The following MIGA1 variants were observed in gnomAD, a reference collection of about 807,000 sequenced individuals.
MIGA1 encodes the protein mitoguardin 1.
In MIGA1, 58 loss-of-function variants were observed where a neutral mutation model predicts 82.0. The observed-to-expected ratio is 0.71, with a 90% confidence interval of 0.57 to 0.88. MIGA1 has a LOEUF of 0.88. Ranked by LOEUF, MIGA1 falls within the 40% of genes least tolerant of loss-of-function variation. The pLI, the probability that MIGA1 is intolerant of heterozygous loss-of-function variation, is 0.00. For synonymous variants in MIGA1, 249 were observed against 253.6 expected, an observed-to-expected ratio of 0.98 and a Z score of 0.17; for missense variants, 751 against 749.1, an observed-to-expected ratio of 1.00 and a Z score of -0.03.
At chr1:77,859,601 G>A (rs1256664978) in intron 10 of MIGA1, 5 of 493,342 alleles carry the variant, frequency 1.0e-5, no homozygotes, top group Non-Finnish European at 1.8e-5. Context: ...CCAGGCCCAC[G>A]ACACTTTGTC....
intron 5 of MIGA1, among the ~76,000 whole-genome samples, chr1:77,811,950 A>T (rs182133431): frequency 3.3e-5 from 5 of 152,172 alleles, no homozygotes; most frequent in African/African-American, 1.2e-4. Flanking sequence ...TAAATGTTTT[A>T]TGAGGAAGAT....
intron 5 of MIGA1, chr1:77,811,034 T>TTTTAGGCTTG (rs1220386138): frequency 1.9e-6 from 3 of 1,613,378 alleles, no homozygotes; most frequent in Non-Finnish European, 2.5e-6. Context: ...GTAAACCTTT[T>TTTTAGGCTTG]TTTAGGCTTG....
chr1:77,790,913 G>A (rs537935874), intron 2 of MIGA1, among the ~76,000 whole-genome samples: 2 of 152,100 alleles, frequency 1.3e-5, no homozygotes, highest in South Asian at 2.1e-4. Context: ...AATCCCTGGT[G>A]AACCCTAATC....
chr1:77,870,220 G>A lies in MIGA1; in HGVS notation c.1564-2784G>A, dbSNP rs1473917703. On this transcript the variant is annotated intron_variant, in intron 14 of 15. Transcript: ENST00000370791. Reference sequence around the variant, plus strand: ...GGGGCGGCTGGCCGGGCGGGGGGCTGACCCCCCCCCCCACCTCCCTCCCGG... The same window carrying A: ...GGGGCGGCTGGCCGGGCGGGGGGCTAACCCCCCCCCCCACCTCCCTCCCGG... 2.3e-3 allele frequency among the ~76,000 whole-genome samples: 168 copies of A among 73,076 alleles called. 1 individual carries two copies. Among genetic ancestry groups the A allele is most frequent in the African/African-American group, 6.5e-3 (158 of 24,454 alleles). 47.9% of individuals were successfully genotyped at this position (73,076 alleles called of 152,430 possible). A position where few individuals can be genotyped will look rare whatever the true frequency, so the allele number is the denominator to read the frequency against.
At chr1:77,836,631 T>C (rs913517564) in intron 7 of MIGA1, among the ~76,000 whole-genome samples, 6 of 152,178 alleles carry the variant, frequency 3.9e-5, no homozygotes, top group Non-Finnish European at 7.4e-5. Flanking sequence ...GCAACAACTC[T>C]AGGAAATTAA....
At chr1:77,796,986 G>A (rs758784902) in intron 2 of MIGA1, among the ~76,000 whole-genome samples, 58 of 152,102 alleles carry the variant, frequency 3.8e-4, no homozygotes, top group Non-Finnish European at 6.5e-4. Context: ...TGCCATTGAT[G>A]TTTTCTGTCC....
chr1:77,830,338 C>G (rs930877886), intron 7 of MIGA1, among the ~76,000 whole-genome samples: 3 of 151,986 alleles, frequency 2.0e-5, no homozygotes, highest in Non-Finnish European at 4.4e-5. Context: ...CTTACAGTTT[C>G]ATTGTCATTA....
At chr1:77,859,957 A>T in intron 10 of MIGA1, 83 bp from the exon 11 acceptor site, 1 of 843,178 alleles carries the variant, frequency 1.2e-6, no homozygotes. Context: ...TAACTGTTTT[A>T]GGATTATTTG....
At chr1:77,872,968 G>A (rs1409427155) in intron 14 of MIGA1, 36 bp from the exon 15 acceptor site, 3 of 1,611,476 alleles carry the variant, frequency 1.9e-6, no homozygotes, top group African/African-American at 1.3e-5. Context: ...TAACAAGAAG[G>A]TAGAAGTAAC....
chr1:77,803,593 C>A (rs1466941491), intron 4 of MIGA1, among the ~76,000 whole-genome samples, 187 bp downstream of exon 4: 1 of 152,096 alleles, frequency 6.6e-6, no homozygotes, highest in Non-Finnish European at 1.5e-5. Flanking sequence ...TTCTAGGTTT[C>A]TTTGAATAAG....
At chr1:77,785,730 C>G (rs1003766128) in intron 2 of MIGA1, among the ~76,000 whole-genome samples, 1 of 152,342 alleles carries the variant, frequency 6.6e-6, no homozygotes, top group Non-Finnish European at 1.5e-5. Context: ...GGTGGGTTCC[C>G]ATGGTCGTAG....
intron 2 of MIGA1, among the ~76,000 whole-genome samples, chr1:77,783,602 A>G (rs1320253236): frequency 1.3e-5 from 2 of 152,206 alleles, no homozygotes; most frequent in East Asian, 1.9e-4. Flanking sequence ...GTCCATTATT[A>G]TTACTTTCAG....
chr1:77,779,795 G>A, intron 1 of MIGA1, 59 bp downstream of exon 1: 2 of 1,506,480 alleles, frequency 1.3e-6, no homozygotes, highest in Non-Finnish European at 1.8e-6. Flanking sequence ...GGAGAGTTGA[G>A]CGGCCACGCA....
chr1:77,857,723 G>GTTT (rs1273544813), intron 8 of MIGA1, among the ~76,000 whole-genome samples: 5 of 112,954 alleles, frequency 4.4e-5, no homozygotes, highest in African/African-American at 1.2e-4. Context: ...TTTCTGGGTT[G>GTTT]TTGTTTTTTT....
At chr1:77,810,987 T>G in intron 5 of MIGA1, 4 of 1,612,330 alleles carry the variant, frequency 2.5e-6, no homozygotes, top group Non-Finnish European at 3.4e-6. Flanking sequence ...CAGGTTTAAT[T>G]TCATCCATCT....
intron 7 of MIGA1, among the ~76,000 whole-genome samples, chr1:77,833,990 T>C (rs547960538): frequency 6.6e-6 from 1 of 152,212 alleles, no homozygotes; most frequent in Non-Finnish European, 1.5e-5. Flanking sequence ...TATATAAAAA[T>C]TTTGATAAAT....
In MIGA1 at chr1:77,878,721, T is replaced by C. The variant is rs559746843; in HGVS notation, c.*3657T>C. ...TTTTGTATTTTAATTTCCCTACATTTTTGTTCAACTAAGAGTGCTTATTTC... is the reference window on the plus strand; with the variant it reads ...TTTTGTATTTTAATTTCCCTACATTCTTGTTCAACTAAGAGTGCTTATTTC... On this transcript the variant is annotated 3_prime_UTR_variant, in exon 16 of 16. Transcript: ENST00000370791. 2.6e-6 allele frequency: 1 copy of C among 379,414 alleles called. No individual in the cohort carries two copies. Among genetic ancestry groups the C allele is most frequent in the African/African-American group, 2.1e-5 (1 of 48,450 alleles). The allele number at this position is 379,414 out of a possible 1,614,324, so 23.5% of individuals were successfully genotyped here. A position where few individuals can be genotyped will look rare whatever the true frequency, so the allele number is the denominator to read the frequency against.
intron 8 of MIGA1, among the ~76,000 whole-genome samples, chr1:77,845,102 A>G (rs1684786534): frequency 6.6e-6 from 1 of 152,188 alleles, no homozygotes; most frequent in African/African-American, 2.4e-5. Flanking sequence ...GCCTTTTTAA[A>G]AGTAGTACTG....
At chr1:77,822,899 G>A (rs1423901368) in intron 7 of MIGA1, among the ~76,000 whole-genome samples, 1 of 142,084 alleles carries the variant, frequency 7.0e-6, no homozygotes, top group African/African-American at 2.6e-5. Flanking sequence ...CTGGAGTACA[G>A]TGGCACAGTC....
Sources: gnomAD v4.1 joint callset for allele counts (sites outside exome capture counted in the v4.1 genomes callset) on GRCh38, gnomAD v4.1.1 for gene constraint, MANE v1.5 for transcripts, NCBI Gene and HGNC (gene_info 2026-07-23, HGNC 2026-07-21) for gene names.